ZFAND4: variants seen among roughly 807,000 people sequenced by gnomAD.
The protein encoded by ZFAND4 is zinc finger AN1-type containing 4.
In ZFAND4, 43 loss-of-function variants were observed where a neutral mutation model predicts 64.4. The ratio of observed to expected loss-of-function variants is 0.67; its 90% CI spans 0.52 to 0.86. The LOEUF is 0.86. Ranked by LOEUF, ZFAND4 falls within the 40% of genes least tolerant of loss-of-function variation. ZFAND4 has a pLI of 0.00. For missense variants in ZFAND4, 929 were observed against 859.8 expected (o/e 1.08, Z -1.01); for synonymous variants, 296 against 305.7 (o/e 0.97, Z 0.33).
intron 1 of ZFAND4, among the ~76,000 whole-genome samples, chr10:45,668,603 C>T (rs987395266): frequency 1.3e-5 from 2 of 152,188 alleles, no homozygotes; most frequent in Admixed American, 1.3e-4. Flanking sequence ...AAATTCTTCT[C>T]AGCACCACAT....
chr10:45,640,426 A>G, intron 5 of ZFAND4: 1 of 1,009,894 alleles, frequency 9.9e-7, no homozygotes, highest in Non-Finnish European at 1.3e-6. Flanking sequence ...TTCTCACTAA[A>G]AAAAAAAAAA....
chr10:45,641,051 A>G (rs2046966203), intron 5 of ZFAND4, among the ~76,000 whole-genome samples: 1 of 152,188 alleles, frequency 6.6e-6, no homozygotes, highest in Admixed American at 6.5e-5. Flanking sequence ...TTATACTTAC[A>G]TGTTTGTTTT....
At position 45,648,385 on chromosome 10, in the gene ZFAND4, C is replaced by T. The variant is rs754845461; in HGVS notation, c.478G>A (p.Gly160Arg). The change falls in exon 5 of 10, where the codon GGA becomes AGA. Residue 160 changes from glycine (G) to arginine (R), a missense_variant. Transcript: ENST00000344646. ...GATAACGGTGTTAAAGTGCCATCTCCCCTATCTACTGCAGGAAAGAAATTC... is the reference window on the plus strand; with the variant it reads ...GATAACGGTGTTAAAGTGCCATCTCTCCTATCTACTGCAGGAAAGAAATTC... The part of the protein sequence containing the change: ...QLNFFPAVDR[G>R]DGTLTPLSDS... 11 of 1,613,942 alleles carry T rather than the reference C, an allele frequency of 6.8e-6. 1 individual carries two copies. In the South Asian group the frequency reaches 1.2e-4, roughly 18 times the overall value.
chr10:45,651,454 C>T (rs1207491425), intron 4 of ZFAND4: 14 of 411,660 alleles, frequency 3.4e-5, no homozygotes, highest in Non-Finnish European at 4.5e-5. Flanking sequence ...ATTCAGTAGA[C>T]GCTCAATACG....
Position 45,662,717 on chromosome 10 carries a change from A to G in ZFAND4, c.184+825T>C, listed in dbSNP as rs549574288. ...AGCAAATATTCAGGAGCTCATATAT[A>G]TCCTTGGCCTCACAAAAATGAAAAA... On this transcript the variant is annotated intron_variant, in intron 2 of 9. Coordinates refer to ENST00000344646, the MANE Select transcript of ZFAND4 (RefSeq NM_174890.4). 2.1e-5 allele frequency: 20 copies of G among 957,262 alleles called. No homozygotes were observed. In the East Asian group the frequency reaches 6.9e-4, roughly 33 times the overall value. 59.3% of individuals were successfully genotyped at this position (957,262 alleles called of 1,614,324 possible).
In ZFAND4 at chr10:45,649,418, ATC is replaced by A. The variant is rs760115236; in HGVS notation, c.329-886_329-885del. On this transcript the variant is annotated intron_variant, in intron 4 of 9. Coordinates refer to ENST00000344646, the MANE Select transcript of ZFAND4 (RefSeq NM_174890.4). Reference sequence around the variant, plus strand: ...GACATTCTCATCATACTGCAGAAACATCTGTTTTCTCCTAAAAGAGGTAAAGA... The same window carrying A: ...GACATTCTCATCATACTGCAGAAACATGTTTTCTCCTAAAAGAGGTAAAGA... Among the ~76,000 whole-genome samples the A allele has an allele frequency of 3.9e-5, 6 of 152,308 alleles. No individual in the cohort carries two copies. In the South Asian group the frequency reaches 1.2e-3, roughly 32 times the overall value.
intron 1 of ZFAND4, among the ~76,000 whole-genome samples, chr10:45,664,801 T>A (rs117825571): frequency 0.029 from 4,413 of 151,908 alleles, 79 homozygotes; most frequent in East Asian, 0.051. Context: ...CGTGGCGGTG[T>A]CTGCCTGTAG....
At chr10:45,658,298 T>C (rs1485059808) in intron 2 of ZFAND4, among the ~76,000 whole-genome samples, 1 of 152,158 alleles carries the variant, frequency 6.6e-6, no homozygotes, top group African/African-American at 2.4e-5. Flanking sequence ...ATGCCTTGAA[T>C]AAGCCAATGA....
intron 2 of ZFAND4, among the ~76,000 whole-genome samples, chr10:45,656,063 C>A (rs1384847376): frequency 6.6e-6 from 1 of 151,748 alleles, no homozygotes; most frequent in Non-Finnish European, 1.5e-5. Flanking sequence ...AACCCCATCT[C>A]TACTAAAAAT....
rs779964605 is a variant in ZFAND4 at position 45,648,277 on chromosome 10, A to G, written c.569+17T>C. ...ATTATTTTGACAACACAAGGTAAACAAAAGTTTATGGAGTACCTCATACGA... is the reference window on the plus strand; with the variant it reads ...ATTATTTTGACAACACAAGGTAAACGAAAGTTTATGGAGTACCTCATACGA... On this transcript the variant is annotated intron_variant, in intron 5 of 9. Coordinates refer to ENST00000344646, the MANE Select transcript of ZFAND4 (RefSeq NM_174890.4). 6.4e-7 allele frequency: 1 copy of G among 1,569,186 alleles called. No homozygotes were observed. Among genetic ancestry groups the G allele is most frequent in the South Asian group, 1.2e-5 (1 of 83,064 alleles).
chr10:45,642,127 A>G (rs1420277243), intron 5 of ZFAND4, among the ~76,000 whole-genome samples: 2 of 152,212 alleles, frequency 1.3e-5, no homozygotes, highest in African/African-American at 2.4e-5. Context: ...TCAAGTATAC[A>G]CTATTCTCAG....
chr10:45,631,529 C>T (rs983829232), intron 6 of ZFAND4, among the ~76,000 whole-genome samples: 2 of 151,790 alleles, frequency 1.3e-5, no homozygotes, highest in Non-Finnish European at 2.9e-5. Flanking sequence ...AAAAAAAATC[C>T]TCATTTTCTC....
intron 4 of ZFAND4, 129 bp from the exon 5 acceptor site, chr10:45,648,663 C>G: frequency 9.5e-7 from 1 of 1,048,432 alleles, no homozygotes; most frequent in Non-Finnish European, 1.3e-6. Context: ...TGATATTCTT[C>G]AAATAAGTTT....
At position 45,652,021 on chromosome 10, in the gene ZFAND4, C is replaced by G. The variant is rs2047792139; in HGVS notation, c.273G>C (p.Gly91=). ...YCLNDYNISE[G]CTLKLVLAMR... ...TAGCCAAAACTAGCTTCAAGGTACA[C>G]CCTTCTGAAATGCTGTGGATAGTTA... The change falls in exon 4 of 10, where the codon GGG becomes GGC. Residue 91 remains glycine (G), a synonymous_variant. Coordinates refer to ENST00000344646, the MANE Select transcript of ZFAND4 (RefSeq NM_174890.4). The G allele has an allele frequency of 2.5e-6, 4 of 1,613,648 alleles. No individual in the cohort carries two copies. Among genetic ancestry groups the G allele is most frequent in the Non-Finnish European group, 3.4e-6 (4 of 1,179,766 alleles).
rs2049259460 is a variant in ZFAND4, at chr10:45,672,402, TGA to T, written c.-272_-271del. On this transcript the variant is annotated 5_prime_UTR_variant, in exon 1 of 10. Coordinates refer to ENST00000344646, the MANE Select transcript of ZFAND4 (RefSeq NM_174890.4). ...CCCGTCGGGAAAGCCGCGTACCCGTTGAAGCTGGCGTCACGCCCAAAGGAACA... is the reference window on the plus strand; with the variant it reads ...CCCGTCGGGAAAGCCGCGTACCCGTTAGCTGGCGTCACGCCCAAAGGAACA... 1 of 152,254 alleles carries T rather than the reference TGA, an allele frequency of 6.6e-6. No individual in the cohort carries two copies. Among genetic ancestry groups the T allele is most frequent in the Admixed American group, 6.5e-5 (1 of 15,292 alleles). The allele number at this position is 152,254 out of a possible 1,614,324, so 9.4% of individuals were successfully genotyped here. A position where few individuals can be genotyped will look rare whatever the true frequency, so the allele number is the denominator to read the frequency against.
chr10:45,663,122 A>G (rs2048585118), intron 2 of ZFAND4, among the ~76,000 whole-genome samples: 1 of 152,100 alleles, frequency 6.6e-6, no homozygotes, highest in Non-Finnish European at 1.5e-5. Flanking sequence ...CATTAAAAAA[A>G]AAAAAAAGGA....
chr10:45,645,444 A>G (rs1168919754), intron 5 of ZFAND4, among the ~76,000 whole-genome samples: 1 of 152,096 alleles, frequency 6.6e-6, no homozygotes, highest in East Asian at 1.9e-4. Flanking sequence ...ATAAAGTTTT[A>G]TTATGTTTTT....
chr10:45,652,251 A>G (rs2047806731), intron 3 of ZFAND4, among the ~76,000 whole-genome samples: 2 of 152,222 alleles, frequency 1.3e-5, no homozygotes, highest in Admixed American at 1.3e-4. Flanking sequence ...ATCCAAGAAT[A>G]AACATACTGG....
At chr10:45,616,707 C>G in intron 9 of ZFAND4, 136 bp from the exon 10 acceptor site, 1 of 757,268 alleles carries the variant, frequency 1.3e-6, no homozygotes, top group Non-Finnish European at 2.1e-6. Context: ...GCTGACATTT[C>G]CCTTCCATTC....
Sources: allele counts gnomAD v4.1 joint callset (sites outside exome capture counted in the v4.1 genomes callset), GRCh38; gene constraint gnomAD v4.1.1; transcripts MANE v1.5; gene names NCBI Gene and HGNC (gene_info 2026-07-23, HGNC 2026-07-21).